TGM6: variants seen among roughly 807,000 people sequenced by gnomAD.
TGM6 encodes protein-glutamine gamma-glutamyltransferase 6.
TGM6 carries 74 observed loss-of-function variants against 77.5 expected under a neutral mutation model. That is an observed-to-expected ratio of 0.96 (90% confidence interval 0.79 to 1.16). The LOEUF is 1.16. Ranked by LOEUF, TGM6 falls within the 50% of genes most tolerant of loss-of-function variation. The pLI is 0.00. For missense variants in TGM6, 968 were observed against 940.2 expected, an observed-to-expected ratio of 1.03 and a Z score of -0.39; for synonymous variants, 383 against 378.9, an observed-to-expected ratio of 1.01 and a Z score of -0.12.
chr20:2,420,340 T>C (rs1030719213), intron 10 of TGM6, among the ~76,000 whole-genome samples: 6 of 152,184 alleles, frequency 3.9e-5, no homozygotes, highest in Non-Finnish European at 8.8e-5. Flanking sequence ...TAAGTAGTTT[T>C]AGGTTTTCAG....
At position 2,400,310 on chromosome 20, in the gene TGM6, C is replaced by T; in HGVS notation, c.855C>T (p.Leu285=). 2 of 1,614,194 alleles carry T rather than the reference C, an allele frequency of 1.2e-6. No individual in the cohort carries two copies. The highest frequency in any genetic ancestry group is 1.7e-6 in the Non-Finnish European group (2 of 1,180,018). ...CCGAGCCTCTCTGCTCTGCAGTCCT[C>T]AGGTGCTTGGGGATAGCCACACGGG... ...WVFAGVLCTV[L]RCLGIATRVV... Residue 285 remains leucine, a synonymous_variant, in exon 7 of 13, where the codon CTC becomes CTT. Coordinates refer to ENST00000202625, the MANE Select transcript of TGM6 (RefSeq NM_198994.3).
chr20:2,428,702 A>G (rs1244013597), intron 10 of TGM6, among the ~76,000 whole-genome samples: 1 of 149,256 alleles, frequency 6.7e-6, no homozygotes, highest in Non-Finnish European at 1.5e-5. Context: ...ATCAATCAAT[A>G]AAATAAAAAT....
At position 2,389,851 on chromosome 20, in the gene TGM6, C is replaced by T. The variant is rs1738683244; in HGVS notation, c.8-4601C>T. On this transcript the variant is annotated intron_variant, in intron 1 of 12. Transcript: ENST00000202625. ...GACAAAAACATGAACATTGTCTAAGCCACTTACTGGTCTCGATCTACTGAC... is the reference window on the plus strand; with the variant it reads ...GACAAAAACATGAACATTGTCTAAGTCACTTACTGGTCTCGATCTACTGAC... 2.0e-5 allele frequency among the ~76,000 whole-genome samples: 3 copies of T among 152,142 alleles called. No individual in the cohort carries two copies. The South Asian group carries it at 6.2e-4, about 31-fold the overall frequency.
intron 11 of TGM6, 126 bp from the exon 12 acceptor site, chr20:2,430,768 G>A: frequency 6.3e-7 from 1 of 1,590,858 alleles, no homozygotes; most frequent in Non-Finnish European, 8.6e-7. Flanking sequence ...GTGGCACTCA[G>A]CAATGGGGTA....
rs768120522 is a variant in TGM6 at position 2,380,957 on chromosome 20, G to T, written c.-12G>T. On this transcript the variant is annotated 5_prime_UTR_variant, in exon 1 of 13. Transcript: ENST00000202625. ...CTGTGTGGAGGAACAGAGGAGTCCA[G>T]CTGGCCTTCACATGGCAGGTAAGTG... is the stretch of plus-strand genomic sequence containing the variant. The T allele has an allele frequency of 1.2e-6, 2 of 1,607,414 alleles. No individual in the cohort carries two copies. The highest frequency in any genetic ancestry group is 4.5e-5 in the East Asian group (2 of 44,740).
chr20:2,430,370 G>A (rs1241303698), intron 10 of TGM6, 76 bp from the exon 11 acceptor site: 1 of 1,571,220 alleles, frequency 6.4e-7, no homozygotes, highest in Non-Finnish European at 8.8e-7. Flanking sequence ...TATTAGTTGT[G>A]CATTCCCTTC....
At chr20:2,408,665 T>G (rs2084767190) in intron 9 of TGM6, among the ~76,000 whole-genome samples, 1 of 152,202 alleles carries the variant, frequency 6.6e-6, no homozygotes, top group South Asian at 2.1e-4. Flanking sequence ...AAGAAGGGCC[T>G]TGTTTTGTTG....
At chr20:2,395,999 G>A (rs2084662674) in intron 3 of TGM6, among the ~76,000 whole-genome samples, 1 of 152,014 alleles carries the variant, frequency 6.6e-6, no homozygotes, top group African/African-American at 2.4e-5. Flanking sequence ...TGACCAACAT[G>A]GAGAAATCCC....
At chr20:2,430,390 A>G in intron 10 of TGM6, 56 bp from the exon 11 acceptor site, 1 of 1,601,058 alleles carries the variant, frequency 6.2e-7, no homozygotes, top group Non-Finnish European at 8.6e-7. Flanking sequence ...CCTTCTTCCC[A>G]GTGCCATTGA....
chr20:2,408,930 G>A (rs188286363), intron 9 of TGM6, among the ~76,000 whole-genome samples: 9 of 152,072 alleles, frequency 5.9e-5, no homozygotes, highest in Admixed American at 5.9e-4. Flanking sequence ...AAAGAGTTTA[G>A]GGACTGGTTG....
At chr20:2,425,739 T>C (rs1197889967) in intron 10 of TGM6, among the ~76,000 whole-genome samples, 1 of 152,174 alleles carries the variant, frequency 6.6e-6, no homozygotes, top group Non-Finnish European at 1.5e-5. Flanking sequence ...TGATATATAT[T>C]AGTAATACAT....
At chr20:2,430,139 A>G (rs1241044355) in intron 10 of TGM6, among the ~76,000 whole-genome samples, 1 of 152,160 alleles carries the variant, frequency 6.6e-6, no homozygotes, top group Non-Finnish European at 1.5e-5. Flanking sequence ...ATAAGTAGGG[A>G]AAGCTTGGAA....
At position 2,422,226 on chromosome 20, in the gene TGM6, C is replaced by T. The variant is rs564137385; in HGVS notation, c.1678+4653C>T. On this transcript the variant is annotated intron_variant, in intron 10 of 12. Transcript: ENST00000202625. Reference sequence around the variant, plus strand: ...GTAGTTTTGCATTTTACATTTAGGTCAATGATTCAGTTTAGTACATTTTGT... The same window carrying T: ...GTAGTTTTGCATTTTACATTTAGGTTAATGATTCAGTTTAGTACATTTTGT... 9.9e-5 allele frequency among the ~76,000 whole-genome samples: 15 copies of T among 152,268 alleles called. No individual in the cohort carries two copies. In the South Asian group the frequency reaches 3.1e-3, roughly 32 times the overall value.
chr20:2,409,969 A>G (rs982438219), intron 9 of TGM6, among the ~76,000 whole-genome samples: 3 of 152,180 alleles, frequency 2.0e-5, no homozygotes, highest in African/African-American at 7.2e-5. Context: ...GAAAAGAACT[A>G]TAGAGTGTGG....
chr20:2,432,388 T>C (rs1039615557), intron 12 of TGM6, 102 bp from the exon 13 acceptor site: 115 of 1,455,302 alleles, frequency 7.9e-5, no homozygotes, highest in Non-Finnish European at 1.0e-4. Context: ...AGCCACAAGG[T>C]GAACTTGATC....
rs757028204 is a variant in TGM6, at chr20:2,431,039, CCTGGGGGGCTGG to C, written c.1967+14_1967+25del. On this transcript the variant is annotated intron_variant, in intron 12 of 12. Transcript: ENST00000202625. The stretch of plus-strand genomic sequence containing the variant: ...CAGCTCAGCATCGAGTAAGTGCCAG[CCTGGGGGGCTGG>C]CAGGGAATGGGGCTCTCTTCCTTGT... 1 of 1,613,418 alleles carries C rather than the reference CCTGGGGGGCTGG, an allele frequency of 6.2e-7. No homozygotes were observed. The highest frequency in any genetic ancestry group is 8.5e-7 in the Non-Finnish European group (1 of 1,179,658).
chr20:2,385,704 T>C (rs2084590149), intron 1 of TGM6, among the ~76,000 whole-genome samples: 1 of 152,164 alleles, frequency 6.6e-6, no homozygotes, highest in South Asian at 2.1e-4. Context: ...CGTGAGCAGC[T>C]GACAGGGTGT....
intron 9 of TGM6, among the ~76,000 whole-genome samples, chr20:2,405,787 C>T (rs2084746484): frequency 6.6e-6 from 1 of 152,184 alleles, no homozygotes; most frequent in Non-Finnish European, 1.5e-5. Flanking sequence ...CCAACCCTAA[C>T]CTCCACTGTG....
chr20:2,414,521 A>C (rs2084802652), intron 9 of TGM6, among the ~76,000 whole-genome samples: 1 of 152,202 alleles, frequency 6.6e-6, no homozygotes, highest in Non-Finnish European at 1.5e-5. Flanking sequence ...CAAAATGTTA[A>C]ACATAGTGTT....
Sources: allele counts gnomAD v4.1 joint callset (sites outside exome capture counted in the v4.1 genomes callset), GRCh38; gene constraint gnomAD v4.1.1; transcripts MANE v1.5; gene names NCBI Gene and HGNC (gene_info 2026-07-23, HGNC 2026-07-21).